The following IGF2R variants were observed in gnomAD, a reference collection of about 807,000 sequenced individuals.
IGF2R encodes cation-independent mannose-6-phosphate receptor.
IGF2R carries 91 observed loss-of-function variants against 270.6 expected under a neutral mutation model. The observed-to-expected ratio is 0.34, with a 90% CI of 0.28 to 0.40. The LOEUF (loss-of-function observed/expected upper bound fraction) is 0.40, where lower values mean the gene tolerates loss of function less well. Among genes scored for constraint, IGF2R ranks in the 10% least tolerant of loss-of-function variants. IGF2R has a pLI of 1.00. For synonymous variants in IGF2R, 1,316 were observed against 1,258.9 expected, an observed-to-expected ratio of 1.05 and a Z score of -0.96; for missense variants, 2,805 against 3,188.3, an observed-to-expected ratio of 0.88 and a Z score of 2.90.
intron 1 of IGF2R, among the ~76,000 whole-genome samples, chr6:159,985,831 G>T (rs951173788): frequency 2.6e-5 from 4 of 152,104 alleles, no homozygotes; most frequent in Non-Finnish European, 5.9e-5. Flanking sequence ...TTGGCTAACT[G>T]TTTTACGCTC....
intron 17 of IGF2R, 86 bp from the exon 18 acceptor site, chr6:160,048,289 C>T: frequency 2.3e-6 from 3 of 1,308,368 alleles, no homozygotes; most frequent in Non-Finnish European, 3.3e-6. Flanking sequence ...TATTTGGTAG[C>T]TTTACTTCCC....
At chr6:159,987,232 A>G (rs1783901796) in intron 1 of IGF2R, among the ~76,000 whole-genome samples, 2 of 152,228 alleles carry the variant, frequency 1.3e-5, no homozygotes, top group South Asian at 4.1e-4. Context: ...AATAGTCTTT[A>G]AAAAATATTT....
Position 160,073,734 on chromosome 6 carries a change from A to G in IGF2R, c.4948-23A>G, listed in dbSNP as rs1049214074. ...TTAGGAAAATTTTTTTGTAGACTCAAAGCAGTCTTTCCTACTTAACAGACC... is the reference window on the plus strand; with the variant it reads ...TTAGGAAAATTTTTTTGTAGACTCAGAGCAGTCTTTCCTACTTAACAGACC... On this transcript the variant is annotated intron_variant, in intron 34 of 47. Transcript: ENST00000356956. 6.9e-6 allele frequency: 11 copies of G among 1,599,250 alleles called. No homozygotes were observed. Among genetic ancestry groups the G allele is most frequent in the Non-Finnish European group, 9.4e-6 (11 of 1,167,810 alleles).
At chr6:160,008,952 A>G (rs1784288841) in intron 2 of IGF2R, 58 bp from the exon 3 acceptor site, 6 of 1,558,406 alleles carry the variant, frequency 3.9e-6, no homozygotes, top group Non-Finnish European at 5.3e-6. Flanking sequence ...TTCCTTGGAA[A>G]TAGCTGTTTG....
intron 4 of IGF2R, among the ~76,000 whole-genome samples, chr6:160,011,513 C>T (rs1022060161): frequency 4.7e-5 from 7 of 147,932 alleles, no homozygotes; most frequent in African/African-American, 1.5e-4. Context: ...GGAATGGCTA[C>T]ATTGAGCTAA....
In IGF2R at chr6:160,060,538, G is replaced by C; in HGVS notation, c.3092-9G>C. On this transcript the variant is annotated splice_polypyrimidine_tract_variant and intron_variant, in intron 22 of 47. Coordinates refer to ENST00000356956, the MANE Select transcript of IGF2R (RefSeq NM_000876.4). ...TGTCTCTTAAAATCTGGGCCTTCTTGCTTTACAGGTACCGCTGATGCTTTT... is the reference window on the plus strand; with the variant it reads ...TGTCTCTTAAAATCTGGGCCTTCTTCCTTTACAGGTACCGCTGATGCTTTT... 6.2e-7 allele frequency: 1 copy of C among 1,614,078 alleles called. No individual in the cohort carries two copies. The highest frequency in any genetic ancestry group is 8.5e-7 in the Non-Finnish European group (1 of 1,179,916).
At chr6:160,016,384 G>A (rs1382695573) in intron 4 of IGF2R, among the ~76,000 whole-genome samples, 1 of 152,212 alleles carries the variant, frequency 6.6e-6, no homozygotes, top group Admixed American at 6.5e-5. Flanking sequence ...GCTCCACCCA[G>A]CTTTCCTTCC....
chr6:160,102,393 G>A lies in IGF2R; in HGVS notation c.6843-126G>A, dbSNP rs1779506307. On this transcript the variant is annotated intron_variant, in intron 45 of 47. Coordinates refer to ENST00000356956, the MANE Select transcript of IGF2R (RefSeq NM_000876.4). The surrounding 1 kb of genome is among the most constrained non-coding windows in gnomAD (Gnocchi z 4.5). ...ACTTGTGGCCTTGTTTTCTGGGCAG[G>A]AGTAAGAATCACATGGTGTTGGGAA... The A allele has an allele frequency of 3.8e-6, 4 of 1,044,038 alleles. No homozygotes were observed. The Admixed American group carries it at 8.7e-5, about 23-fold the overall frequency. The allele number at this position is 1,044,038 out of a possible 1,614,324, so 64.7% of individuals were successfully genotyped here. A position where few individuals can be genotyped will look rare whatever the true frequency, so the allele number is the denominator to read the frequency against.
chr6:159,996,949 C>T (rs549467792), intron 2 of IGF2R, among the ~76,000 whole-genome samples: 2 of 152,322 alleles, frequency 1.3e-5, no homozygotes, highest in East Asian at 3.9e-4. Context: ...GGCCACTGTC[C>T]TGTGTGCCTG....
intron 7 of IGF2R, among the ~76,000 whole-genome samples, chr6:160,031,458 C>G (rs984557779): frequency 6.6e-6 from 1 of 151,918 alleles, no homozygotes; most frequent in African/African-American, 2.4e-5. Flanking sequence ...AAGAAACCTC[C>G]TGCCCATTAG....
intron 11 of IGF2R, 141 bp from the exon 12 acceptor site, chr6:160,043,007 T>C: frequency 1.2e-6 from 1 of 820,158 alleles, no homozygotes; most frequent in Non-Finnish European, 1.9e-6. Context: ...CTGCCCGGGT[T>C]CCAGAAACAG....
At chr6:160,083,376 C>T (rs1049560187) in intron 39 of IGF2R, among the ~76,000 whole-genome samples, 3 of 152,204 alleles carry the variant, frequency 2.0e-5, no homozygotes, top group Non-Finnish European at 2.9e-5. Flanking sequence ...AATGTACAAT[C>T]GGGTTTTATA....
chr6:160,065,814 G>GTGTGTGTGTGTATA, intron 29 of IGF2R, among the ~76,000 whole-genome samples: 3 of 78,388 alleles, frequency 3.8e-5, no homozygotes, highest in African/African-American at 1.1e-4. Context: ...GTGTGTGTGT[G>GTGTGTGTGTGTATA]TATATATATA....
intron 10 of IGF2R, among the ~76,000 whole-genome samples, chr6:160,039,162 T>C (rs1356234443): frequency 1.3e-5 from 2 of 152,200 alleles, no homozygotes; most frequent in Admixed American, 1.3e-4. Flanking sequence ...CACACCTAGA[T>C]GGTATAGCCT....
intron 2 of IGF2R, among the ~76,000 whole-genome samples, chr6:159,993,992 T>TTTTTTTTTG: frequency 7.1e-6 from 1 of 140,532 alleles, no homozygotes; most frequent in Non-Finnish European, 1.6e-5. Flanking sequence ...TTGATTTTTT[T>TTTTTTTTTG]TTTTTTTTTT....
intron 44 of IGF2R, chr6:160,093,930 A>G: frequency 2.8e-6 from 2 of 706,932 alleles, no homozygotes; most frequent in Non-Finnish European, 5.4e-6. Flanking sequence ...TCTTTATCAC[A>G]GACTTTGCTA....
rs895667350 is a variant in IGF2R, at chr6:160,073,106, T to C, written c.4691-107T>C. 17 of 1,455,914 alleles carry C rather than the reference T, an allele frequency of 1.2e-5. No individual in the cohort carries two copies. The Admixed American group carries it at 1.6e-4, about 13-fold the overall frequency. The allele number at this position is 1,455,914 out of a possible 1,614,324, so 90.2% of individuals were successfully genotyped here. A position where few individuals can be genotyped will look rare whatever the true frequency, so the allele number is the denominator to read the frequency against. On this transcript the variant is annotated intron_variant, in intron 33 of 47. Coordinates refer to ENST00000356956, the MANE Select transcript of IGF2R (RefSeq NM_000876.4). ...AAGCCGGATTGGACACTTGAAGTTA[T>C]AAGTGTTGGCTATGAAATTGATGGT...
intron 9 of IGF2R, among the ~76,000 whole-genome samples, chr6:160,034,124 T>C (rs574579853): frequency 1.3e-5 from 2 of 152,346 alleles, no homozygotes; most frequent in East Asian, 3.9e-4. Flanking sequence ...TTGGGCGTTA[T>C]TTATTTTGTA....
chr6:160,063,426 G>A lies in IGF2R; in HGVS notation c.3682G>A (p.Glu1228Lys), dbSNP rs1407127687. 1 of 1,612,186 alleles carries A rather than the reference G, an allele frequency of 6.2e-7. No individual in the cohort carries two copies. The highest frequency in any genetic ancestry group is 2.2e-5 in the East Asian group (1 of 44,880). The change falls in exon 27 of 48, where the codon GAG (glutamate) becomes AAG (lysine). Residue 1228 changes from glutamate to lysine, a missense_variant. Glu to Lys is a moderately conservative substitution (Grantham distance 56, BLOSUM62 1). Around this residue, in one of 2 missense-constraint regions of IGF2R, gnomAD observed 1,851 missense variants for 2,207.2 expected, o/e 0.84. Transcript: ENST00000356956. ...CCATGTTCTTGAAGGGGACAACTGT[G>A]AGGTGAAAGACCCAAGGCATGGCAA... ...PVVRVEGDNCEVKDPRHGNLY... is the reference protein window; with the variant it reads ...PVVRVEGDNCKVKDPRHGNLY...
Sources: allele counts gnomAD v4.1 joint callset (sites outside exome capture counted in the v4.1 genomes callset), GRCh38; gene constraint gnomAD v4.1.1; regional missense constraint gnomAD v4.1.1; non-coding constraint Gnocchi (gnomAD v3.1); transcripts MANE v1.5; gene names NCBI Gene and HGNC (gene_info 2026-07-23, HGNC 2026-07-21).